The following CACNA2D1 variants were observed in gnomAD, a reference collection of about 807,000 sequenced individuals.
CACNA2D1 encodes the protein voltage-dependent calcium channel subunit alpha-2/delta-1.
A neutral mutation model predicts 171.5 loss-of-function variants in CACNA2D1; 53 were observed. That is an observed-to-expected ratio of 0.31 (90% CI 0.25 to 0.39). The LOEUF is 0.39. Ranked by LOEUF, CACNA2D1 falls within the 10% of genes least tolerant of loss-of-function variation. The pLI is 1.00. For missense variants in CACNA2D1, 903 were observed against 1,299.8 expected, an observed-to-expected ratio of 0.69 and a Z score of 4.69; for synonymous variants, 442 against 443.1, an observed-to-expected ratio of 1.00 and a Z score of 0.03.
intron 3 of CACNA2D1, among the ~76,000 whole-genome samples, chr7:82,274,558 CT>C: frequency 6.6e-6 from 1 of 152,156 alleles, no homozygotes; most frequent in Non-Finnish European, 1.5e-5. Context: ...ACACCGCACA[CT>C]CTAATTTTTC....
At chr7:82,370,584 A>ACGGATGG (rs1822292144) in intron 1 of CACNA2D1, among the ~76,000 whole-genome samples, 1 of 61,990 alleles carries the variant, frequency 1.6e-5, no homozygotes, top group South Asian at 5.7e-4. Context: ...GATGGATAGA[A>ACGGATGG]ATAGAGATAT....
At chr7:82,308,239 T>C in intron 3 of CACNA2D1, among the ~76,000 whole-genome samples, 1 of 152,200 alleles carries the variant, frequency 6.6e-6, no homozygotes, top group South Asian at 2.1e-4. Flanking sequence ...AATCATTGAT[T>C]GTTCCCCCTT....
intron 12 of CACNA2D1, among the ~76,000 whole-genome samples, chr7:82,027,106 A>T (rs1802027556): frequency 6.6e-6 from 1 of 151,602 alleles, no homozygotes; most frequent in Admixed American, 6.6e-5. Flanking sequence ...TGGGTACAAA[A>T]AAATAGAATG....
At chr7:82,364,800 C>A (rs939271784) in intron 1 of CACNA2D1, among the ~76,000 whole-genome samples, 3 of 152,080 alleles carry the variant, frequency 2.0e-5, no homozygotes, top group Admixed American at 6.5e-5. Flanking sequence ...GTCTTGTTCC[C>A]TGTGTTCAGT....
chr7:81,979,224 T>C (rs184770247), intron 24 of CACNA2D1, among the ~76,000 whole-genome samples: 1 of 152,186 alleles, frequency 6.6e-6, no homozygotes, highest in East Asian at 1.9e-4. Context: ...ATTTTCTCTT[T>C]ATGATGATGA....
At chr7:82,233,930 G>A (rs1284617524) in intron 3 of CACNA2D1, among the ~76,000 whole-genome samples, 2 of 151,874 alleles carry the variant, frequency 1.3e-5, no homozygotes, top group Non-Finnish European at 2.9e-5. Context: ...TCCATAGGTA[G>A]GATACAAACC....
intron 11 of CACNA2D1, among the ~76,000 whole-genome samples, chr7:82,034,582 A>T (rs1390060962): frequency 6.6e-6 from 1 of 152,092 alleles, no homozygotes. Flanking sequence ...TGCCTATTTT[A>T]TCATCAAAAT....
Position 82,004,639 on chromosome 7 carries a change from A to G in CACNA2D1, c.1590+784T>C, listed in dbSNP as rs1315194287. Among the ~76,000 whole-genome samples the G allele has an allele frequency of 3.9e-5, 6 of 152,288 alleles. No individual in the cohort carries two copies. The East Asian group carries it at 9.6e-4, about 24-fold the overall frequency. ...GACTCGGGAGAAAGTAGTAGTATGCATAAGTCTGCATGGTTTAAAGGATCT... is the reference window on the plus strand; with the variant it reads ...GACTCGGGAGAAAGTAGTAGTATGCGTAAGTCTGCATGGTTTAAAGGATCT... On this transcript the variant is annotated intron_variant, in intron 18 of 38. Transcript: ENST00000356860.
At chr7:82,158,029 A>T (rs1377533338) in intron 4 of CACNA2D1, among the ~76,000 whole-genome samples, 1 of 151,934 alleles carries the variant, frequency 6.6e-6, no homozygotes, top group Non-Finnish European at 1.5e-5. Flanking sequence ...GAATATATAT[A>T]CACATACAAA....
At position 81,967,678 on chromosome 7, in the gene CACNA2D1, T is replaced by C; in HGVS notation, c.2396-15A>G. 2 of 1,203,720 alleles carry C rather than the reference T, an allele frequency of 1.7e-6. No homozygotes were observed. Among genetic ancestry groups the C allele is most frequent in the Non-Finnish European group, 2.4e-6 (2 of 819,114 alleles). 74.6% of individuals were successfully genotyped at this position (1,203,720 alleles called of 1,614,324 possible). Reference sequence around the variant, plus strand: ...AATTCCAACAACTGAAAAATTAATTTGAATTAATTCAAAGGTATAATTAGA... The same window carrying C: ...AATTCCAACAACTGAAAAATTAATTCGAATTAATTCAAAGGTATAATTAGA... On this transcript the variant is annotated splice_polypyrimidine_tract_variant and intron_variant, in intron 29 of 38. Transcript: ENST00000356860.
intron 1 of CACNA2D1, among the ~76,000 whole-genome samples, chr7:82,426,904 G>A (rs541602216): frequency 1.6e-4 from 25 of 152,322 alleles, no homozygotes; most frequent in African/African-American, 6.0e-4. Flanking sequence ...ATTAGAGAGG[G>A]AGAGAGACCA....
At chr7:82,298,784 C>T (rs192891996) in intron 3 of CACNA2D1, among the ~76,000 whole-genome samples, 33 of 152,002 alleles carry the variant, frequency 2.2e-4, no homozygotes, top group African/African-American at 7.0e-4. Context: ...AAAAATAGGC[C>T]GGGCACAGTG....
intron 1 of CACNA2D1, among the ~76,000 whole-genome samples, chr7:82,442,277 CA>C (rs199533647): frequency 0.01 from 1,596 of 152,306 alleles, 27 homozygotes; most frequent in African/African-American, 0.036. Context: ...CAACAAAGGA[CA>C]GCAAGTAATT....
At chr7:81,959,971 A>C in intron 36 of CACNA2D1, 142 bp from the exon 37 acceptor site, 2 of 1,309,932 alleles carry the variant, frequency 1.5e-6, no homozygotes, top group South Asian at 1.4e-5. Context: ...TAGGAGTATG[A>C]TTTTAGAAGA....
rs1482201672 is a variant in CACNA2D1, at chr7:82,018,791, T to C, written c.1144-4312A>G. Among the ~76,000 whole-genome samples the C allele has an allele frequency of 2.6e-5, 4 of 151,948 alleles. No homozygotes were observed. The East Asian group carries it at 5.8e-4, about 22-fold the overall frequency. On this transcript the variant is annotated intron_variant, in intron 12 of 38. Coordinates refer to ENST00000356860, the MANE Select transcript of CACNA2D1 (RefSeq NM_000722.4). Reference sequence around the variant, plus strand: ...TGAGCTCAGGAGTTCAAGACCAGCCTGGGCAACATAGTGAGACCCCCATCT... The same window carrying C: ...TGAGCTCAGGAGTTCAAGACCAGCCCGGGCAACATAGTGAGACCCCCATCT...
At chr7:82,431,022 C>T (rs1015471298) in intron 1 of CACNA2D1, among the ~76,000 whole-genome samples, 1 of 152,104 alleles carries the variant, frequency 6.6e-6, no homozygotes, top group East Asian at 1.9e-4. Flanking sequence ...ACATCAAATG[C>T]TTTGTGGTTC....
chr7:82,335,088 G>T, intron 3 of CACNA2D1, 47 bp downstream of exon 3: 1 of 1,183,790 alleles, frequency 8.4e-7, no homozygotes, highest in Non-Finnish European at 1.3e-6. Context: ...TTAAATAATA[G>T]ATAAGTAAGG....
chr7:82,081,835 G>A (rs1809814747), intron 7 of CACNA2D1, among the ~76,000 whole-genome samples: 2 of 152,300 alleles, frequency 1.3e-5, no homozygotes, highest in South Asian at 4.1e-4. Context: ...CTGTGACTGT[G>A]CACCCAGCCT....
intron 5 of CACNA2D1, among the ~76,000 whole-genome samples, chr7:82,129,976 C>T (rs1393632086): frequency 1.7e-4 from 26 of 152,176 alleles, no homozygotes; most frequent in Admixed American, 1.6e-3. Context: ...GAGACCTACA[C>T]AAGTCTGGAC....
Sources: allele counts gnomAD v4.1 joint callset (sites outside exome capture counted in the v4.1 genomes callset), GRCh38; gene constraint gnomAD v4.1.1; transcripts MANE v1.5; gene names NCBI Gene and HGNC (gene_info 2026-07-23, HGNC 2026-07-21).